Variants in CCDC61 observed in about 807,000 individuals in gnomAD.
The protein encoded by CCDC61 is centrosomal protein CCDC61.
Under a neutral mutation model 63.0 loss-of-function variants are expected in CCDC61, and 55 were observed. The observed-to-expected ratio is 0.87, with a 90% CI of 0.70 to 1.09. CCDC61 has a LOEUF of 1.09. Ranked by LOEUF, CCDC61 falls within the 50% of genes least tolerant of loss-of-function variation. The pLI, the probability that CCDC61 is intolerant of heterozygous loss-of-function variation, is 0.00. For missense variants in CCDC61, 651 were observed against 731.4 expected (o/e 0.89, Z 1.27); for synonymous variants, 270 against 317.0 (o/e 0.85, Z 1.58).
At chr19:45,999,460 C>A (rs1177551635) in intron 1 of CCDC61, among the ~76,000 whole-genome samples, 1 of 151,974 alleles carries the variant, frequency 6.6e-6, no homozygotes, top group African/African-American at 2.4e-5. Context: ...GAGAGCCCAT[C>A]TAGGGTATGG....
chr19:45,996,766 T>C (rs1370395121), intron 1 of CCDC61, among the ~76,000 whole-genome samples: 2 of 152,212 alleles, frequency 1.3e-5, no homozygotes, highest in Non-Finnish European at 2.9e-5. Context: ...TCGCATTAGC[T>C]CTGTCTTCAA....
intron 1 of CCDC61, chr19:46,000,122 G>T: frequency 1.1e-6 from 1 of 940,560 alleles, no homozygotes; most frequent in Non-Finnish European, 1.3e-6. Context: ...TCCTAGAAGT[G>T]GCGGTGGTGG....
Position 46,015,188 on chromosome 19 carries a change from C to G in CCDC61, c.691C>G (p.Arg231Gly). 1 of 1,278,566 alleles carries G rather than the reference C, an allele frequency of 7.8e-7. No homozygotes were observed. The highest frequency in any genetic ancestry group is 2.6e-5 in the South Asian group (1 of 37,952). The allele number at this position is 1,278,566 out of a possible 1,614,324, so 79.2% of individuals were successfully genotyped here. Residue 231 changes from arginine to glycine, a missense_variant, in exon 6 of 14, where the codon CGG becomes GGG. Transcript: ENST00000595358. This position sits in a 1 kb window ranked among gnomAD's most constrained non-coding sequence, Gnocchi z 5.3. ...GGTGCGCGGGCTGGAGCTGGAGCTGCGGCAGGAGCGCGGCCTCGGGCACAG... is the reference window on the plus strand; with the variant it reads ...GGTGCGCGGGCTGGAGCTGGAGCTGGGGCAGGAGCGCGGCCTCGGGCACAG... The part of the protein sequence containing the change: ...GLVRGLELEL[R>G]QERGLGHRVA...
rs1363262945 is a variant in CCDC61 at position 46,016,357 on chromosome 19, A to G, written c.1055A>G (p.Lys352Arg). 1 of 1,613,794 alleles carries G rather than the reference A, an allele frequency of 6.2e-7. No homozygotes were observed. Among genetic ancestry groups the G allele is most frequent in the African/African-American group, 1.3e-5 (1 of 74,914 alleles). ...ALRFDPTAFV[K>R]AKERKQREIQ... Reference sequence around the variant, plus strand: ...CGCTTCGACCCCACGGCCTTTGTGAAAGCCAAGGAAAGGAAGCAGAGAGAG... The same window carrying G: ...CGCTTCGACCCCACGGCCTTTGTGAGAGCCAAGGAAAGGAAGCAGAGAGAG... Residue 352 changes from lysine (K) to arginine (R), a missense_variant, in exon 9 of 14, where the codon AAA (lysine) becomes AGA (arginine). By Grantham distance (26) the Lys-to-Arg change is conservative. Transcript: ENST00000595358. The surrounding 1 kb of genome is among the most constrained non-coding windows in gnomAD (Gnocchi z 7.2).
At chr19:46,010,654 C>T (rs376305431) in intron 5 of CCDC61, among the ~76,000 whole-genome samples, 9 of 152,108 alleles carry the variant, frequency 5.9e-5, no homozygotes, top group Non-Finnish European at 1.3e-4. Context: ...TGGGGAACCA[C>T]GGATTTTAAG....
intron 5 of CCDC61, 34 bp downstream of exon 5, chr19:46,008,335 T>TGGGGGGGGGG: frequency 8.0e-6 from 4 of 499,168 alleles, no homozygotes; most frequent in Non-Finnish European, 1.2e-5. Flanking sequence ...CTGGGGCGGG[T>TGGGGGGGGGG]GGGGGCCCTC....
In CCDC61 at chr19:46,016,284, G is replaced by A. The variant is rs762895994; in HGVS notation, c.1016-34G>A. The A allele has an allele frequency of 9.4e-5, 151 of 1,611,508 alleles. 3 individuals carry two copies. In the South Asian group the frequency reaches 1.5e-3, roughly 16 times the overall value. On this transcript the variant is annotated intron_variant, in intron 8 of 13. Transcript: ENST00000595358. The surrounding 1 kb of genome is among the most constrained non-coding windows in gnomAD (Gnocchi z 7.2). ...ACTGGCGCTGCCAAGGCCCGTCTCC[G>A]GACCTAGCCGCCTCCTCTCCCACGC...
At position 46,016,351 on chromosome 19, in the gene CCDC61, T is replaced by C. The variant is rs1427017950; in HGVS notation, c.1049T>C (p.Phe350Ser). The change falls in exon 9 of 14, where the codon TTT becomes TCT. Residue 350 changes from phenylalanine to serine, a missense_variant. Coordinates refer to ENST00000595358, the MANE Select transcript of CCDC61 (RefSeq NM_001267723.2). The surrounding 1 kb of genome is among the most constrained non-coding windows in gnomAD (Gnocchi z 7.2). ...GCGCTCCGCTTCGACCCCACGGCCTTTGTGAAAGCCAAGGAAAGGAAGCAG... is the reference window on the plus strand; with the variant it reads ...GCGCTCCGCTTCGACCCCACGGCCTCTGTGAAAGCCAAGGAAAGGAAGCAG... ...GRALRFDPTA[F>S]VKAKERKQRE... 3 of 1,613,802 alleles carry C rather than the reference T, an allele frequency of 1.9e-6. No homozygotes were observed. The highest frequency in any genetic ancestry group is 2.5e-6 in the Non-Finnish European group (3 of 1,179,876).
At chr19:45,996,505 C>G (rs1341808634) in intron 1 of CCDC61, 1 of 149,912 alleles carries the variant, frequency 6.7e-6, no homozygotes, top group Non-Finnish European at 1.5e-5. Context: ...TCTTGGCTCA[C>G]TGAAACCTCC....
Position 46,018,084 on chromosome 19 carries a change from C to G in CCDC61, c.1375C>G (p.Pro459Ala). 2 of 1,609,186 alleles carry G rather than the reference C, an allele frequency of 1.2e-6. No homozygotes were observed. The highest frequency in any genetic ancestry group is 1.7e-6 in the Non-Finnish European group (2 of 1,177,914). The change falls in exon 13 of 14, where the codon CCC becomes GCC. Residue 459 changes from proline (P) to alanine (A), a missense_variant. Coordinates refer to ENST00000595358, the MANE Select transcript of CCDC61 (RefSeq NM_001267723.2). The surrounding 1 kb of genome is among the most constrained non-coding windows in gnomAD (Gnocchi z 4.2). ...CTACCTTCCCCATCACCAGAAGTCT[C>G]CCCCCGTGGAACGCAGCCACCATCA... ...TPWSGSNMKS[P>A]PVERSHHQKS...
rs562884939 is a variant in CCDC61 at position 46,015,012 on chromosome 19, G to A, written c.552-37G>A. ...CATGGAGTAGTGGGAATGGGGCCAT[G>A]CCTCTCTCTCCAGCGCTCTCTCCGC... On this transcript the variant is annotated intron_variant, in intron 5 of 13. Coordinates refer to ENST00000595358, the MANE Select transcript of CCDC61 (RefSeq NM_001267723.2). The surrounding 1 kb of genome is among the most constrained non-coding windows in gnomAD (Gnocchi z 5.3). 3.8e-5 allele frequency: 56 copies of A among 1,473,528 alleles called. No individual in the cohort carries two copies. In the East Asian group the frequency reaches 1.4e-3, roughly 38 times the overall value. The allele number at this position is 1,473,528 out of a possible 1,614,324, so 91.3% of individuals were successfully genotyped here.
intron 3 of CCDC61, 42 bp downstream of exon 3, chr19:46,003,543 G>A: frequency 7.5e-7 from 1 of 1,334,560 alleles, no homozygotes; most frequent in Non-Finnish European, 1.1e-6. Flanking sequence ...GGGGGGTTCT[G>A]TCTTCCAGGT....
In CCDC61 at chr19:46,015,222, G is replaced by A; in HGVS notation, c.725G>A (p.Gly242Asp). The change falls in exon 6 of 14, where the codon GGC becomes GAC. Residue 242 changes from glycine (G) to aspartate (D), a missense_variant. Coordinates refer to ENST00000595358, the MANE Select transcript of CCDC61 (RefSeq NM_001267723.2). This position sits in a 1 kb window ranked among gnomAD's most constrained non-coding sequence, Gnocchi z 5.3. ...CGCGGCCTCGGGCACAGGGTGGCCG[G>A]CCGTCGCGGCCAGGACTGCCGCCGT... ...QERGLGHRVAGRRGQDCRRLA... is the reference protein window; with the variant it reads ...QERGLGHRVADRRGQDCRRLA... 7.5e-7 allele frequency: 1 copy of A among 1,331,016 alleles called. No homozygotes were observed. The highest frequency in any genetic ancestry group is 9.6e-7 in the Non-Finnish European group (1 of 1,046,490). The allele number at this position is 1,331,016 out of a possible 1,614,324, so 82.5% of individuals were successfully genotyped here. A position where few individuals can be genotyped will look rare whatever the true frequency, so the allele number is the denominator to read the frequency against.
intron 1 of CCDC61, among the ~76,000 whole-genome samples, chr19:46,001,649 A>C (rs1051541432): frequency 6.6e-6 from 1 of 152,258 alleles, no homozygotes; most frequent in Non-Finnish European, 1.5e-5. Flanking sequence ...CTCTTCTCCC[A>C]AATGAAGTTA....
At chr19:45,997,714 T>C (rs1191639637) in intron 1 of CCDC61, among the ~76,000 whole-genome samples, 1 of 107,558 alleles carries the variant, frequency 9.3e-6, no homozygotes, top group African/African-American at 3.7e-5. Flanking sequence ...TGAGATAGAG[T>C]CTCTCTCTGT....
In CCDC61 at chr19:46,016,242, C is replaced by G; in HGVS notation, c.1015+19C>G. The stretch of plus-strand genomic sequence containing the variant: ...CCCACAGGTCTGTGCCCCTGCCCTG[C>G]GGTAGGGAGGGGACGCACTGGCGCT... On this transcript the variant is annotated intron_variant, in intron 8 of 13. Coordinates refer to ENST00000595358, the MANE Select transcript of CCDC61 (RefSeq NM_001267723.2). This position sits in a 1 kb window ranked among gnomAD's most constrained non-coding sequence, Gnocchi z 7.2. 6.3e-7 allele frequency: 1 copy of G among 1,583,752 alleles called. No homozygotes were observed. The highest frequency in any genetic ancestry group is 1.8e-5 in the Admixed American group (1 of 56,532).
intron 5 of CCDC61, among the ~76,000 whole-genome samples, chr19:46,010,170 C>T (rs575019930): frequency 1.4e-4 from 22 of 152,312 alleles, no homozygotes; most frequent in Non-Finnish European, 1.8e-4. Context: ...GCCTAACAGG[C>T]GGGCATTCTT....
intron 3 of CCDC61, among the ~76,000 whole-genome samples, chr19:46,004,571 T>C (rs1427336099): frequency 6.6e-6 from 1 of 152,064 alleles, no homozygotes; most frequent in Non-Finnish European, 1.5e-5. Flanking sequence ...TTCAAGCAAT[T>C]CTCCTGCCTC....
rs371123834 is a variant in CCDC61, at chr19:46,008,321, G to A, written c.551+20G>A. The stretch of plus-strand genomic sequence containing the variant: ...GGAGCAGTGAGTCTTGGAGGGGTGG[G>A]CAGCTGGGGCGGGTGGGGGCCCTCC... On this transcript the variant is annotated intron_variant, in intron 5 of 13. Coordinates refer to ENST00000595358, the MANE Select transcript of CCDC61 (RefSeq NM_001267723.2). 1.3e-5 allele frequency: 9 copies of A among 702,754 alleles called. No homozygotes were observed. Among genetic ancestry groups the A allele is most frequent in the African/African-American group, 9.2e-5 (5 of 54,528 alleles). The allele number at this position is 702,754 out of a possible 1,614,324, so 43.5% of individuals were successfully genotyped here.
Sources: gnomAD v4.1 joint callset for allele counts (sites outside exome capture counted in the v4.1 genomes callset) on GRCh38, gnomAD v4.1.1 for gene constraint, Gnocchi (gnomAD v3.1) non-coding constraint, MANE v1.5 for transcripts, NCBI Gene and HGNC (gene_info 2026-07-23, HGNC 2026-07-21) for gene names.